The following BPIFA2 variants were observed in gnomAD, a reference collection of about 807,000 sequenced individuals.
The protein encoded by BPIFA2 is BPI fold-containing family A member 2.
BPIFA2 carries 20 observed loss-of-function variants against 25.7 expected under a neutral mutation model. The observed-to-expected ratio is 0.78, with a 90% confidence interval of 0.55 to 1.13. The LOEUF is 1.13. Among genes scored for constraint, BPIFA2 ranks in the 50% most tolerant of loss-of-function variants. The pLI, the probability that BPIFA2 is intolerant of heterozygous loss-of-function variation, is 0.00. For missense variants in BPIFA2, 300 were observed against 298.1 expected (o/e 1.01, Z -0.05); for synonymous variants, 126 against 124.3 (o/e 1.01, Z -0.09).
At position 33,175,395 on chromosome 20, in the gene BPIFA2, T is replaced by C; in HGVS notation, c.411-12T>C. On this transcript the variant is annotated splice_polypyrimidine_tract_variant and intron_variant, in intron 4 of 8. Transcript: ENST00000354932. ...TCTAGACTTTGTTCACTGTGCATCT[T>C]ACTTCCTGCAGGCCCATCATTGGCC... is the stretch of plus-strand genomic sequence containing the variant. The C allele has an allele frequency of 1.9e-6, 3 of 1,612,764 alleles. No individual in the cohort carries two copies. Among genetic ancestry groups the C allele is most frequent in the Non-Finnish European group, 2.5e-6 (3 of 1,179,244 alleles).
chr20:33,175,274 T>C, intron 4 of BPIFA2, 133 bp from the exon 5 acceptor site: 1 of 873,936 alleles, frequency 1.1e-6, no homozygotes, highest in Non-Finnish European at 1.8e-6. Flanking sequence ...ATATGGACCA[T>C]GTTGATATTA....
At chr20:33,165,981 T>C (rs1483186335), upstream of BPIFA2, among the ~76,000 whole-genome samples, 1 of 152,120 alleles carries the variant, frequency 6.6e-6, no homozygotes, top group Non-Finnish European at 1.5e-5. Flanking sequence ...TATTATATAA[T>C]ATTAATCTTA....
chr20:33,169,831 C>A (rs1983841864), intron 2 of BPIFA2, among the ~76,000 whole-genome samples: 1 of 151,932 alleles, frequency 6.6e-6, no homozygotes, highest in Non-Finnish European at 1.5e-5. Context: ...GTTTAATATT[C>A]TTTTATGGAC....
chr20:33,180,780 C>T (rs1182403010), intron 8 of BPIFA2, among the ~76,000 whole-genome samples, 183 bp downstream of exon 8: 2 of 152,212 alleles, frequency 1.3e-5, no homozygotes, highest in African/African-American at 4.8e-5. Flanking sequence ...GCCTTAATCA[C>T]TGAACTCTGA....
chr20:33,166,809 T>C (rs1983739751), upstream of BPIFA2, among the ~76,000 whole-genome samples: 1 of 152,216 alleles, frequency 6.6e-6, no homozygotes. Flanking sequence ...ACACCAGGTC[T>C]CGAGGTCACT....
upstream of BPIFA2, among the ~76,000 whole-genome samples, chr20:33,166,268 C>T (rs939734089): frequency 2.4e-4 from 37 of 152,258 alleles, 1 homozygote; most frequent in South Asian, 4.1e-4. Flanking sequence ...CTGCCCGCCT[C>T]GGCCTCCCAA....
intron 6 of BPIFA2, 142 bp from the exon 7 acceptor site, chr20:33,179,462 T>G (rs1002817495): frequency 6.8e-5 from 44 of 642,652 alleles, no homozygotes; most frequent in Non-Finnish European, 1.1e-4. Flanking sequence ...TAAAACAAAA[T>G]AAAATCCTAA....
chr20:33,162,127 C>T (rs1983599887), intron 1 of BPIFA2, among the ~76,000 whole-genome samples: 1 of 152,084 alleles, frequency 6.6e-6, no homozygotes. Context: ...ACTACAGGCA[C>T]CTGCCACCAC....
intron 1 of BPIFA2, among the ~76,000 whole-genome samples, chr20:33,163,104 C>T (rs1236755507): frequency 1.3e-5 from 2 of 152,156 alleles, no homozygotes; most frequent in South Asian, 2.1e-4. Flanking sequence ...GGGCCCAGAG[C>T]CCCACACAGG....
intron 4 of BPIFA2, among the ~76,000 whole-genome samples, chr20:33,174,673 AACTGAGGTGGGAGG>A (rs1370280219): frequency 2.0e-5 from 3 of 152,164 alleles, no homozygotes; most frequent in Admixed American, 2.0e-4. Context: ...CAATTTGAGA[AACTGAGGTGGGAGG>A]ATTGCTTGAG....
At chr20:33,172,664 GATAA>G (rs1434151194) in intron 2 of BPIFA2, among the ~76,000 whole-genome samples, 1 of 152,078 alleles carries the variant, frequency 6.6e-6, no homozygotes, top group African/African-American at 2.4e-5. Flanking sequence ...TTGCACTGTT[GATAA>G]ATAATCAGTA....
Position 33,175,464 on chromosome 20 carries a change from C to A in BPIFA2, c.468C>A (p.Val156=), listed in dbSNP as rs1433009652. The A allele has an allele frequency of 6.2e-7, 1 of 1,613,972 alleles. No homozygotes were observed. Among genetic ancestry groups the A allele is most frequent in the South Asian group, 1.1e-5 (1 of 91,048 alleles). The stretch of plus-strand genomic sequence containing the variant: ...CCTCCTTGGACCTCCTGACCGCAGT[C>A]ACAATTGAAACTGATCCCCAGACAC... The part of the protein sequence containing the change: ...LKASLDLLTA[V]TIETDPQTHQ... Residue 156 remains valine, a synonymous_variant, in exon 5 of 9, where the codon GTC becomes GTA. Transcript: ENST00000354932.
At chr20:33,179,216 G>C (rs6057745) in intron 6 of BPIFA2, among the ~76,000 whole-genome samples, 77 of 152,136 alleles carry the variant, frequency 5.1e-4, no homozygotes, top group African/African-American at 1.7e-3. Flanking sequence ...GATCACTTGA[G>C]GTCAGGAGTT....
intron 2 of BPIFA2, among the ~76,000 whole-genome samples, chr20:33,170,018 G>A (rs1983847964): frequency 6.6e-6 from 1 of 152,154 alleles, no homozygotes; most frequent in South Asian, 2.1e-4. Flanking sequence ...TTTTGTAGGA[G>A]GAGGTAACTT....
chr20:33,172,379 C>A (rs1415429735), intron 2 of BPIFA2, among the ~76,000 whole-genome samples: 2 of 150,758 alleles, frequency 1.3e-5, no homozygotes, highest in African/African-American at 5.0e-5. Context: ...ACATTCTGCA[C>A]ATGTATCCCG....
chr20:33,179,549 G>T, intron 6 of BPIFA2, 55 bp from the exon 7 acceptor site: 1 of 1,439,820 alleles, frequency 6.9e-7, no homozygotes, highest in South Asian at 1.1e-5. Flanking sequence ...TGAGAAGAAT[G>T]ATCTGTTCTT....
At chr20:33,170,004 C>G (rs1211967597) in intron 2 of BPIFA2, among the ~76,000 whole-genome samples, 1 of 152,126 alleles carries the variant, frequency 6.6e-6, no homozygotes, top group Non-Finnish European at 1.5e-5. Flanking sequence ...ACATCAAAAA[C>G]AGTTTTTGTA....
upstream of BPIFA2, among the ~76,000 whole-genome samples, chr20:33,167,157 A>G (rs945042438): frequency 1.4e-4 from 22 of 152,186 alleles, no homozygotes; most frequent in African/African-American, 5.1e-4. Context: ...GCTTGGTTGC[A>G]TCATTTTGAG....
chr20:33,176,237 C>T (rs1984071560), intron 5 of BPIFA2, among the ~76,000 whole-genome samples: 2 of 152,272 alleles, frequency 1.3e-5, no homozygotes, highest in African/African-American at 4.8e-5. Context: ...ATTTGACTCA[C>T]TGATCCCTTT....
Sources: gnomAD v4.1 joint callset for allele counts (sites outside exome capture counted in the v4.1 genomes callset) on GRCh38, gnomAD v4.1.1 for gene constraint, MANE v1.5 for transcripts, NCBI Gene and HGNC (gene_info 2026-07-23, HGNC 2026-07-21) for gene names.